KLF8: variants seen among roughly 807,000 people sequenced by gnomAD.
KLF8 encodes Krueppel-like factor 8.
In KLF8, 10 loss-of-function variants were observed where a neutral mutation model predicts 18.2. That is an observed-to-expected ratio of 0.55 (90% CI 0.34 to 0.93). KLF8 has a LOEUF of 0.93. KLF8 is among the 40% of genes least tolerant of loss of function. KLF8 has a pLI of 0.02. For missense variants in KLF8, 264 were observed against 277.9 expected (o/e 0.95, Z 0.36); for synonymous variants, 109 against 97.3 (o/e 1.12, Z -0.71).
the KLF8 span, among the ~76,000 whole-genome samples, chrX:55,993,272 C>T: frequency 9.0e-6 from 1 of 111,726 alleles, no homozygotes; most frequent in Non-Finnish European, 1.9e-5. Flanking sequence ...ACGTGTGTTC[C>T]TTCAATGCTT....
chrX:56,120,784 G>A, the KLF8 span, among the ~76,000 whole-genome samples: 1 of 111,553 alleles, frequency 9.0e-6, no homozygotes, highest in Non-Finnish European at 1.9e-5. Context: ...GGGTTTTAGA[G>A]GGCATGTTTC....
the KLF8 span, among the ~76,000 whole-genome samples, chrX:56,065,811 C>T: frequency 8.9e-6 from 1 of 111,901 alleles, no homozygotes; most frequent in African/African-American, 3.2e-5. Flanking sequence ...TGACTGTAAA[C>T]AGCAGTTATT....
chrX:56,095,511 A>G, the KLF8 span, among the ~76,000 whole-genome samples: 5 of 112,508 alleles, frequency 4.4e-5, no homozygotes, highest in Admixed American at 9.4e-5. Context: ...GCTAGAGTAA[A>G]CAGACAACCT....
At chrX:55,925,520 G>T in the KLF8 span, among the ~76,000 whole-genome samples, 4 of 111,542 alleles carry the variant, frequency 3.6e-5, no homozygotes, top group South Asian at 1.5e-3. Flanking sequence ...ACTAGGGTAA[G>T]GGATGAATAT....
At position 56,285,299 on chromosome X, in the gene KLF8, G is replaced by A. The variant is rs1176021623; in HGVS notation, c.*805G>A. 8.9e-6 allele frequency: 1 copy of A among 111,822 alleles called. No homozygotes were observed. Among genetic ancestry groups the A allele is most frequent in the Admixed American group, 9.5e-5 (1 of 10,508 alleles). 9.2% of individuals were successfully genotyped at this position (111,822 alleles called of 1,213,427 possible). On this transcript the variant is annotated 3_prime_UTR_variant, in exon 6 of 6. Transcript: ENST00000468660. ...TAGACATATAAGTAAGGAGAAAAAT[G>A]TTCCAGGAGAGTAGGTTGGGCAGTG...
chrX:56,169,646 T>A, the KLF8 span, among the ~76,000 whole-genome samples: 1 of 111,486 alleles, frequency 9.0e-6, no homozygotes, highest in Non-Finnish European at 1.9e-5. Flanking sequence ...GTGTCTTGTG[T>A]TATGAGTGCC....
At chrX:56,270,055 G>T (rs12862304) in intron 4 of KLF8, 127 bp from the exon 5 acceptor site, 2 of 639,221 alleles carry the variant, frequency 3.1e-6, no homozygotes, top group Non-Finnish European at 4.7e-6. Context: ...TTTCTTTTTG[G>T]GGGGACCTAG....
the KLF8 span, among the ~76,000 whole-genome samples, chrX:55,980,497 AC>A: frequency 1.8e-5 from 2 of 111,684 alleles, no homozygotes; most frequent in African/African-American, 6.5e-5. Flanking sequence ...GTCAGTATAA[AC>A]TGATACATGC....
rs1377995292 is a variant in KLF8 at position 56,289,383 on chromosome X, A to G, written c.*4889A>G. Among the ~76,000 whole-genome samples, 1 of 111,559 alleles carries G rather than the reference A, an allele frequency of 9.0e-6. No homozygotes were observed. Among genetic ancestry groups the G allele is most frequent in the Non-Finnish European group, 1.9e-5 (1 of 53,160 alleles). On this transcript the variant is annotated 3_prime_UTR_variant, in exon 6 of 6. Coordinates refer to ENST00000468660, the MANE Select transcript of KLF8 (RefSeq NM_007250.5). Reference sequence around the variant, plus strand: ...AGAAGTCCTGGTTTCTTTTACTGGAAAATTGTATTAGAAACCAATATCTGG... The same window carrying G: ...AGAAGTCCTGGTTTCTTTTACTGGAGAATTGTATTAGAAACCAATATCTGG...
intron 5 of KLF8, among the ~76,000 whole-genome samples, chrX:56,274,099 T>G (rs1458246411): frequency 8.9e-6 from 1 of 111,991 alleles, no homozygotes; most frequent in Admixed American, 9.5e-5. Context: ...ACCTCCAAAT[T>G]GTTCTCTATA....
chrX:56,235,713 C>A (rs181284051), intron 1 of KLF8, among the ~76,000 whole-genome samples: 1 of 111,065 alleles, frequency 9.0e-6, no homozygotes, highest in East Asian at 2.8e-4. Context: ...ACGTGCCCAA[C>A]CTCTTCCTGA....
the KLF8 span, among the ~76,000 whole-genome samples, chrX:55,979,569 G>C: frequency 8.9e-6 from 1 of 111,865 alleles, no homozygotes; most frequent in Non-Finnish European, 1.9e-5. Flanking sequence ...ATAATAGATA[G>C]ACATTGATGA....
At chrX:56,160,791 G>A in the KLF8 span, among the ~76,000 whole-genome samples, 49 of 111,212 alleles carry the variant, frequency 4.4e-4, no homozygotes, top group Non-Finnish European at 5.8e-4. Context: ...GTCTCTGCGC[G>A]TGAGATGGGT....
chrX:56,145,428 G>T, the KLF8 span, among the ~76,000 whole-genome samples: 1 of 112,203 alleles, frequency 8.9e-6, no homozygotes, highest in Non-Finnish European at 1.9e-5. Flanking sequence ...TACAGTTACC[G>T]GATGGTCCAG....
the KLF8 span, among the ~76,000 whole-genome samples, chrX:56,188,293 C>T: frequency 9.0e-6 from 1 of 111,116 alleles, no homozygotes; most frequent in Non-Finnish European, 1.9e-5. Context: ...GAATAAAATA[C>T]CTAGGAATCC....
chrX:56,197,023 A>T, the KLF8 span, among the ~76,000 whole-genome samples: 1 of 112,100 alleles, frequency 8.9e-6, no homozygotes, highest in African/African-American at 3.2e-5. Flanking sequence ...GAAGGCAGAA[A>T]TAGAGATGTT....
intron 5 of KLF8, among the ~76,000 whole-genome samples, chrX:56,283,104 C>G (rs984735857): frequency 9.0e-6 from 1 of 111,469 alleles, no homozygotes; most frequent in Non-Finnish European, 1.9e-5. Flanking sequence ...GATCTATATA[C>G]CATAATGGGG....
At chrX:56,274,023 T>C (rs1172042739) in intron 5 of KLF8, among the ~76,000 whole-genome samples, 1 of 112,324 alleles carries the variant, frequency 8.9e-6, no homozygotes, top group Non-Finnish European at 1.9e-5. Flanking sequence ...ATTTCCTTTC[T>C]TTTGGATATA....
chrX:55,998,418 C>A, the KLF8 span, among the ~76,000 whole-genome samples: 1 of 112,560 alleles, frequency 8.9e-6, no homozygotes, highest in Non-Finnish European at 1.9e-5. Flanking sequence ...CCTGTCTTTC[C>A]TAGGCAGAGG....
Sources: allele counts gnomAD v4.1 joint callset (sites outside exome capture counted in the v4.1 genomes callset), GRCh38; gene constraint gnomAD v4.1.1; transcripts MANE v1.5; gene names NCBI Gene and HGNC (gene_info 2026-07-23, HGNC 2026-07-21).